Variants in LIPE observed in about 807,000 individuals in gnomAD.
LIPE encodes the protein lipase E, hormone sensitive type.
A neutral mutation model predicts 88.5 loss-of-function variants in LIPE; 66 were observed. That is an observed-to-expected ratio of 0.75 (90% CI 0.61 to 0.91). LIPE has a LOEUF of 0.91. Ranked by LOEUF, LIPE falls within the 40% of genes least tolerant of loss-of-function variation. The pLI, the probability that LIPE is intolerant of heterozygous loss-of-function variation, is 0.00. For synonymous variants in LIPE, 570 were observed against 617.5 expected (o/e 0.92, Z 1.14); for missense variants, 1,346 against 1,434.7 (o/e 0.94, Z 1.00).
intron 1 of LIPE, among the ~76,000 whole-genome samples, chr19:42,419,219 G>A (rs1046203767): frequency 1.3e-5 from 2 of 152,098 alleles, no homozygotes; most frequent in Non-Finnish European, 2.9e-5. Flanking sequence ...CAGAGGTTGC[G>A]GTGAGCCAAG....
intron 1 of LIPE, among the ~76,000 whole-genome samples, chr19:42,422,756 T>C (rs2040623901): frequency 6.6e-6 from 1 of 152,094 alleles, no homozygotes; most frequent in African/African-American, 2.4e-5. Context: ...AATGAGGCCT[T>C]CCCTTTTGCT....
At position 42,407,798 on chromosome 19, in the gene LIPE, G is replaced by A. The variant is rs775798343; in HGVS notation, c.1657-7C>T. ...ATGCCATGTTGGCCAGAGACTGGAG[G>A]GAGGGGACAGAAGGGGTGCTAGGGA... On this transcript the variant is annotated splice_region_variant and splice_polypyrimidine_tract_variant and intron_variant, in intron 4 of 9. Coordinates refer to ENST00000244289, the MANE Select transcript of LIPE (RefSeq NM_005357.4). This position sits in a 1 kb window ranked among gnomAD's most constrained non-coding sequence, Gnocchi z 5.8. 1 of 1,547,230 alleles carries A rather than the reference G, an allele frequency of 6.5e-7. No homozygotes were observed. Among genetic ancestry groups the A allele is most frequent in the Non-Finnish European group, 8.7e-7 (1 of 1,145,718 alleles).
chr19:42,425,817 T>C (rs1371686370), intron 1 of LIPE, among the ~76,000 whole-genome samples: 1 of 152,032 alleles, frequency 6.6e-6, no homozygotes, highest in Non-Finnish European at 1.5e-5. Context: ...TTTTTTCTTT[T>C]TTTGAGATGG....
intron 1 of LIPE, among the ~76,000 whole-genome samples, chr19:42,421,479 A>G (rs2040597113): frequency 6.6e-6 from 1 of 152,192 alleles, no homozygotes; most frequent in South Asian, 2.1e-4. Flanking sequence ...TCTGAGTAAT[A>G]TCTGTGTCCC....
intron 1 of LIPE, among the ~76,000 whole-genome samples, chr19:42,413,312 CTT>C (rs1471438406): frequency 6.6e-6 from 1 of 152,246 alleles, no homozygotes; most frequent in Non-Finnish European, 1.5e-5. Context: ...AGCCATGAAA[CTT>C]ATAAGGTACC....
intron 1 of LIPE, chr19:42,424,432 C>T (rs1304301554): frequency 2.2e-6 from 1 of 456,302 alleles, no homozygotes; most frequent in African/African-American, 2.0e-5. Context: ...TCGCCCGCCG[C>T]GGTGGTGTGG....
Position 42,407,484 on chromosome 19 carries a change from G to T in LIPE, c.1843-16C>A. The T allele has an allele frequency of 6.2e-7, 1 of 1,602,496 alleles. No individual in the cohort carries two copies. The highest frequency in any genetic ancestry group is 1.3e-5 in the African/African-American group (1 of 74,814). The stretch of plus-strand genomic sequence containing the variant: ...CCTCACTGTCCTGGGGGTGAGGAGG[G>T]AGACGGTGTGTGAGGTTGGGGAGAG... On this transcript the variant is annotated splice_polypyrimidine_tract_variant and intron_variant, in intron 5 of 9. Transcript: ENST00000244289. The surrounding 1 kb of genome is among the most constrained non-coding windows in gnomAD (Gnocchi z 5.8).
intron 1 of LIPE, 122 bp downstream of exon 1, chr19:42,426,141 GATCT>G: frequency 4.0e-6 from 1 of 251,464 alleles, no homozygotes; most frequent in South Asian, 8.5e-5. Context: ...TGGGGATGTT[GATCT>G]TTATCTCAGG....
At chr19:42,423,411 G>A (rs1256409706) in intron 1 of LIPE, 1 of 1,289,392 alleles carries the variant, frequency 7.8e-7, no homozygotes, top group African/African-American at 1.5e-5. Flanking sequence ...CGGTCTCCGC[G>A]CGCTCACCTT....
chr19:42,421,583 G>C (rs561980953), intron 1 of LIPE, among the ~76,000 whole-genome samples: 1 of 152,222 alleles, frequency 6.6e-6, no homozygotes, highest in Non-Finnish European at 1.5e-5. Context: ...AACCTCTTGG[G>C]CCCAGAATCA....
In LIPE at chr19:42,407,274, G is replaced by A; in HGVS notation, c.2037C>T (p.Ile679=). The A allele has an allele frequency of 1.2e-6, 2 of 1,606,986 alleles. No individual in the cohort carries two copies. Among genetic ancestry groups the A allele is most frequent in the South Asian group, 1.1e-5 (1 of 89,996 alleles). Residue 679 remains isoleucine, a synonymous_variant, in exon 6 of 10, where the codon ATC becomes ATT. Transcript: ENST00000244289. This position sits in a 1 kb window ranked among gnomAD's most constrained non-coding sequence, Gnocchi z 5.8. The stretch of plus-strand genomic sequence containing the variant: ...CAGGGGCCAGGGAGTAGTCGATGGA[G>A]ATGATGGGGGCGCCCAGCTCCTGGG... ...SWAQELGAPI[I]SIDYSLAPEA...
intron 1 of LIPE, chr19:42,424,417 CA>C (rs1293929892): frequency 2.2e-6 from 1 of 456,356 alleles, no homozygotes; most frequent in Non-Finnish European, 4.4e-6. Context: ...GCCTGAAAGG[CA>C]ACCTCGCCCG....
chr19:42,407,557 C>A lies in LIPE; in HGVS notation c.1842+49G>T. Reference sequence around the variant, plus strand: ...ATGGGGATGCCAAGGTGGGGGCTGCCCACGCTCCTCGGCTCTGTCCCTGTC... The same window carrying A: ...ATGGGGATGCCAAGGTGGGGGCTGCACACGCTCCTCGGCTCTGTCCCTGTC... On this transcript the variant is annotated intron_variant, in intron 5 of 9. Transcript: ENST00000244289. The surrounding 1 kb of genome is among the most constrained non-coding windows in gnomAD (Gnocchi z 5.8). 1.3e-6 allele frequency: 2 copies of A among 1,576,546 alleles called. No individual in the cohort carries two copies. The highest frequency in any genetic ancestry group is 2.4e-5 in the South Asian group (2 of 84,864).
In LIPE at chr19:42,426,736, C is replaced by A; in HGVS notation, c.414G>T (p.Gln138His). Residue 138 changes from glutamine to histidine, a missense_variant, in exon 1 of 10, where the codon CAG (glutamine) becomes CAT (histidine). Transcript: ENST00000244289. The stretch of plus-strand genomic sequence containing the variant: ...GTGGCTCTCCTGGCCCAGGCCCTGG[C>A]TGGGCTACATGTCTTTGTCTCAATG... The part of the protein sequence containing the change: ...EPALRQRHVA[Q>H]PGPGPGEPPP... 6.2e-7 allele frequency: 1 copy of A among 1,614,202 alleles called. No individual in the cohort carries two copies.
chr19:42,410,244 C>A lies in LIPE; in HGVS notation c.1419+63G>T, dbSNP rs2040330442. On this transcript the variant is annotated intron_variant, in intron 2 of 9. Coordinates refer to ENST00000244289, the MANE Select transcript of LIPE (RefSeq NM_005357.4). This position sits in a 1 kb window ranked among gnomAD's most constrained non-coding sequence, Gnocchi z 6.1. ...CTGGTTACTTTACCATACTATAGGC[C>A]AGGCCAGGGGCCACCAGGTGCCTTC... 2.0e-6 allele frequency: 3 copies of A among 1,467,218 alleles called. No individual in the cohort carries two copies. The South Asian group carries it at 4.0e-5, about 20-fold the overall frequency. The allele number at this position is 1,467,218 out of a possible 1,614,324, so 90.9% of individuals were successfully genotyped here.
At position 42,402,900 on chromosome 19, in the gene LIPE, G is replaced by C; in HGVS notation, c.2674C>G (p.Pro892Ala). The C allele has an allele frequency of 1.2e-6, 2 of 1,613,118 alleles. No homozygotes were observed. The highest frequency in any genetic ancestry group is 8.5e-7 in the Non-Finnish European group (1 of 1,179,958). The change falls in exon 9 of 10, where the codon CCC (proline) becomes GCC (alanine). Residue 892 changes from proline to alanine, a missense_variant. By Grantham distance (27) the Pro-to-Ala change is conservative. Coordinates refer to ENST00000244289, the MANE Select transcript of LIPE (RefSeq NM_005357.4). Reference protein sequence around the residue: ...RGNSETSSDTPEMSLSAETLS... With the variant: ...RGNSETSSDTAEMSLSAETLS... ...GTCTCAGCTGACAGCGACATCTCGG[G>C]GGTGTCCGACGACGTCTCGGAGTTT...
In LIPE at chr19:42,401,755, C is replaced by A; in HGVS notation, c.*57G>T. ...GTAAGGCACAGCCCGCGTCCCCTTCCGCCCGGCCCGGAAGGCATTCATGAC... is the reference window on the plus strand; with the variant it reads ...GTAAGGCACAGCCCGCGTCCCCTTCAGCCCGGCCCGGAAGGCATTCATGAC... On this transcript the variant is annotated 3_prime_UTR_variant, in exon 10 of 10. Transcript: ENST00000244289. 4.6e-6 allele frequency: 6 copies of A among 1,303,634 alleles called. No homozygotes were observed. The highest frequency in any genetic ancestry group is 6.0e-6 in the Non-Finnish European group (6 of 1,004,126). The allele number at this position is 1,303,634 out of a possible 1,614,324, so 80.8% of individuals were successfully genotyped here.
chr19:42,410,757 C>G lies in LIPE; in HGVS notation c.969G>C (p.Ser323=), dbSNP rs375228093. The change falls in exon 2 of 10, where the codon TCG becomes TCC. Residue 323 remains serine, a synonymous_variant. Transcript: ENST00000244289. The surrounding 1 kb of genome is among the most constrained non-coding windows in gnomAD (Gnocchi z 6.1). ...GGGCCGTTTCCCCAGGACCCTGGCT[C>G]GAGAAGAAGGCTATGTTGTCCTCCG... is the stretch of plus-strand genomic sequence containing the variant. ...TLAEDNIAFF[S]SQGPGETAQR... 6.2e-7 allele frequency: 1 copy of G among 1,612,930 alleles called. No individual in the cohort carries two copies. Among genetic ancestry groups the G allele is most frequent in the East Asian group, 2.2e-5 (1 of 44,868 alleles).
Position 42,414,291 on chromosome 19 carries a change from A to AAAGGAAAGGAAGG in LIPE, c.884-3462_884-3450dup, listed in dbSNP as rs34220905. Reference sequence around the variant, plus strand: ...CTGTCAGAAAAGAAAGGAAAGAAAGAAAGGAAAGGAAGGAAAGAAAGAAAG... The same window carrying AAAGGAAAGGAAGG: ...CTGTCAGAAAAGAAAGGAAAGAAAGAAAGGAAAGGAAGGAAGGAAAGGAAGGAAAGAAAGAAAG... On this transcript the variant is annotated intron_variant, in intron 1 of 9. Coordinates refer to ENST00000244289, the MANE Select transcript of LIPE (RefSeq NM_005357.4). This position sits in a 1 kb window ranked among gnomAD's most constrained non-coding sequence, Gnocchi z 4.6. Among the ~76,000 whole-genome samples, 9,593 of 151,894 alleles carry AAAGGAAAGGAAGG rather than the reference A, an allele frequency of 0.063. 954 individuals carry two copies. The highest frequency in any genetic ancestry group is 0.22 in the African/African-American group (8,884 of 41,254).
Sources: gnomAD v4.1 joint callset for allele counts (sites outside exome capture counted in the v4.1 genomes callset) on GRCh38, gnomAD v4.1.1 for gene constraint, Gnocchi (gnomAD v3.1) non-coding constraint, MANE v1.5 for transcripts, NCBI Gene and HGNC (gene_info 2026-07-23, HGNC 2026-07-21) for gene names.